ZBTB40: variants seen among roughly 807,000 people sequenced by gnomAD.
ZBTB40 encodes zinc finger and BTB domain-containing protein 40.
A neutral mutation model predicts 117.5 loss-of-function variants in ZBTB40; 60 were observed. The observed-to-expected ratio is 0.51, with a 90% confidence interval of 0.41 to 0.63. The LOEUF is 0.63. Among genes scored for constraint, ZBTB40 ranks in the 30% least tolerant of loss-of-function variants. The pLI is 0.00. For missense variants in ZBTB40, 1,287 were observed against 1,498.5 expected (o/e 0.86, Z 2.33); for synonymous variants, 525 against 577.1 (o/e 0.91, Z 1.29).
chr1:22,490,732 C>T, intron 2 of ZBTB40, 87 bp downstream of exon 2: 2 of 1,511,168 alleles, frequency 1.3e-6, no homozygotes, highest in South Asian at 1.2e-5. Flanking sequence ...TATCAAAGAC[C>T]ACTGTTAGGT....
chr1:22,479,205 T>C (rs965996843), intron 1 of ZBTB40, among the ~76,000 whole-genome samples: 1 of 152,192 alleles, frequency 6.6e-6, no homozygotes, highest in Admixed American at 6.5e-5. Flanking sequence ...TGTATGAGAG[T>C]TCTGGTCACT....
intron 3 of ZBTB40, among the ~76,000 whole-genome samples, chr1:22,495,273 T>C (rs1183751083): frequency 6.6e-6 from 1 of 152,190 alleles, no homozygotes; most frequent in Non-Finnish European, 1.5e-5. Context: ...GAAGCTGGGC[T>C]ACTTGAATTG....
chr1:22,517,245 T>C, intron 12 of ZBTB40, 55 bp from the exon 13 acceptor site: 1 of 1,607,748 alleles, frequency 6.2e-7, no homozygotes, highest in Non-Finnish European at 8.5e-7. Flanking sequence ...ATTTTGTTTG[T>C]AGCAATGCCA....
chr1:22,479,207 C>A (rs768169636), intron 1 of ZBTB40, among the ~76,000 whole-genome samples: 1 of 152,196 alleles, frequency 6.6e-6, no homozygotes, highest in African/African-American at 2.4e-5. Flanking sequence ...TATGAGAGTT[C>A]TGGTCACTCA....
At chr1:22,451,656 A>G (rs541376343), upstream of ZBTB40, among the ~76,000 whole-genome samples, 5 of 152,172 alleles carry the variant, frequency 3.3e-5, no homozygotes, top group African/African-American at 1.2e-4. Flanking sequence ...CAAAAAAAAA[A>G]AAAAGAAAAA....
chr1:22,512,030 T>C lies in ZBTB40; in HGVS notation c.2357T>C (p.Leu786Pro). 2 of 1,614,156 alleles carry C rather than the reference T, an allele frequency of 1.2e-6. No individual in the cohort carries two copies. Among genetic ancestry groups the C allele is most frequent in the Non-Finnish European group, 1.7e-6 (2 of 1,180,036 alleles). ...DSKKELDKHQ[L>P]EAHGAGGEPD... is the part of the protein sequence containing the mutation. Reference sequence around the variant, plus strand: ...AAGAAAGAGCTGGACAAACATCAGCTGGAGGCCCATGGTGCAGGTGGAGAG... The same window carrying C: ...AAGAAAGAGCTGGACAAACATCAGCCGGAGGCCCATGGTGCAGGTGGAGAG... Residue 786 changes from leucine to proline, a missense_variant, in exon 11 of 18, where the codon CTG (leucine) becomes CCG (proline). By Grantham distance (98) the Leu-to-Pro change is moderately conservative. Transcript: ENST00000375647.
intron 1 of ZBTB40, among the ~76,000 whole-genome samples, chr1:22,455,223 T>C (rs1373098899): frequency 6.6e-6 from 1 of 150,418 alleles, no homozygotes; most frequent in Non-Finnish European, 1.5e-5. Context: ...TTGGTGGCGA[T>C]TTAAAAATTT....
At chr1:22,480,880 T>C (rs1174019979) in intron 1 of ZBTB40, among the ~76,000 whole-genome samples, 2 of 152,234 alleles carry the variant, frequency 1.3e-5, no homozygotes, top group Non-Finnish European at 2.9e-5. Context: ...TGAGCAGATT[T>C]TTGAGACTGC....
chr1:22,484,310 T>A (rs1638406941), intron 1 of ZBTB40, among the ~76,000 whole-genome samples: 1 of 152,244 alleles, frequency 6.6e-6, no homozygotes, highest in Non-Finnish European at 1.5e-5. Context: ...ATTTTTAAAG[T>A]TCTTTGATAT....
rs1306340020 is a variant in ZBTB40, at chr1:22,528,162, C to T, written c.*1766C>T. On this transcript the variant is annotated 3_prime_UTR_variant, in exon 18 of 18. Coordinates refer to ENST00000375647, the MANE Select transcript of ZBTB40 (RefSeq NM_014870.4). ...AGGCTGTGCCTGTATTAAGGCTTTTCCGTCCTGGGAACTGTCAGTCTGGGA... is the reference window on the plus strand; with the variant it reads ...AGGCTGTGCCTGTATTAAGGCTTTTTCGTCCTGGGAACTGTCAGTCTGGGA... 1 of 152,754 alleles carries T rather than the reference C, an allele frequency of 6.5e-6. No individual in the cohort carries two copies. Among genetic ancestry groups the T allele is most frequent in the Middle Eastern group, 3.2e-3 (1 of 316 alleles). The allele number at this position is 152,754 out of a possible 1,614,324, so 9.5% of individuals were successfully genotyped here.
At chr1:22,450,318 C>G (rs935528361), upstream of ZBTB40, among the ~76,000 whole-genome samples, 1 of 152,208 alleles carries the variant, frequency 6.6e-6, no homozygotes, top group Non-Finnish European at 1.5e-5. Context: ...TTTGCTAAAT[C>G]TAGCAACCCT....
At chr1:22,507,068 G>A (rs1419386053) in intron 6 of ZBTB40, among the ~76,000 whole-genome samples, 2 of 152,172 alleles carry the variant, frequency 1.3e-5, no homozygotes, top group Non-Finnish European at 2.9e-5. Context: ...TGTATATGGT[G>A]TATTATTCAT....
At chr1:22,469,440 C>T (rs1312087219) in intron 1 of ZBTB40, among the ~76,000 whole-genome samples, 3 of 152,202 alleles carry the variant, frequency 2.0e-5, no homozygotes, top group Non-Finnish European at 4.4e-5. Context: ...TTGTGCCAGC[C>T]TCCTGAGGAG....
At chr1:22,468,742 T>G (rs2124401014) in intron 1 of ZBTB40, among the ~76,000 whole-genome samples, 1 of 145,132 alleles carries the variant, frequency 6.9e-6, no homozygotes, top group Non-Finnish European at 1.5e-5. Flanking sequence ...CAAGTAATCC[T>G]CCTGCCTTGG....
At chr1:22,473,012 A>ACCT (rs1641448078) in intron 1 of ZBTB40, among the ~76,000 whole-genome samples, 1 of 152,286 alleles carries the variant, frequency 6.6e-6, no homozygotes, top group East Asian at 1.9e-4. Context: ...TTCTGTCTGG[A>ACCT]GCCAAGGGCA....
upstream of ZBTB40, among the ~76,000 whole-genome samples, chr1:22,449,394 G>A (rs1050356188): frequency 6.6e-6 from 1 of 152,166 alleles, no homozygotes; most frequent in African/African-American, 2.4e-5. Context: ...GCCCTTACAA[G>A]GTCTAGAAGG....
intron 9 of ZBTB40, among the ~76,000 whole-genome samples, chr1:22,510,153 TC>T (rs1639192079): frequency 6.6e-6 from 1 of 152,200 alleles, no homozygotes; most frequent in Admixed American, 6.5e-5. Context: ...ATCATTTGCA[TC>T]CTGAGTGGGG....
chr1:22,509,755 A>G (rs1159187363), intron 9 of ZBTB40, among the ~76,000 whole-genome samples: 1 of 152,232 alleles, frequency 6.6e-6, no homozygotes, highest in Non-Finnish European at 1.5e-5. Flanking sequence ...TTTATAGACA[A>G]GGGTTCTCAG....
At chr1:22,446,461 C>T (rs1640791106) in intron 1 of ZBTB40, among the ~76,000 whole-genome samples, 1 of 151,948 alleles carries the variant, frequency 6.6e-6, no homozygotes, top group Admixed American at 6.6e-5. Context: ...AAAAACTCTA[C>T]CTAACCATAT....
Sources: gnomAD v4.1 joint callset for allele counts (sites outside exome capture counted in the v4.1 genomes callset) on GRCh38, gnomAD v4.1.1 for gene constraint, MANE v1.5 for transcripts, NCBI Gene and HGNC (gene_info 2026-07-23, HGNC 2026-07-21) for gene names.